FKBP5: variants seen among roughly 807,000 people sequenced by gnomAD.
FKBP5 encodes the protein peptidyl-prolyl cis-trans isomerase FKBP5.
FKBP5 carries 23 observed loss-of-function variants against 50.5 expected under a neutral mutation model. The observed-to-expected ratio is 0.46, with a 90% CI of 0.33 to 0.65. The LOEUF is 0.65. Ranked by LOEUF, FKBP5 falls within the 30% of genes least tolerant of loss-of-function variation. The probability of loss-of-function intolerance (pLI) is 0.02; values close to 1 mark genes in which losing one functional copy is unlikely to be tolerated. For missense variants in FKBP5, 411 were observed against 553.1 expected (o/e 0.74, Z 2.58); for synonymous variants, 176 against 190.6 (o/e 0.92, Z 0.63).
intron 2 of FKBP5, among the ~76,000 whole-genome samples, chr6:35,712,042 TAAAA>T (rs71002597): frequency 4.7e-5 from 6 of 128,284 alleles, no homozygotes; most frequent in African/African-American, 1.8e-4. Flanking sequence ...CTGGGCTAAT[TAAAA>T]AAAAAAAAAA....
rs79670883 is a variant in FKBP5, at chr6:35,613,011, G to T, written c.508+6085C>A. Among the ~76,000 whole-genome samples the T allele has an allele frequency of 7.3e-3, 1,106 of 152,230 alleles. 11 individuals carry two copies. Among genetic ancestry groups the T allele is most frequent in the African/African-American group, 0.023 (954 of 41,524 alleles). ...TTGTCTAAAGTCATAAAAGTATCAG[G>T]TAGCAATTCCAAGATTCAAAAATCA... On this transcript the variant is annotated intron_variant, in intron 5 of 10. Coordinates refer to ENST00000357266, the MANE Select transcript of FKBP5 (RefSeq NM_004117.4).
chr6:35,621,708 G>A (rs1045147338), intron 3 of FKBP5, among the ~76,000 whole-genome samples: 3 of 151,602 alleles, frequency 2.0e-5, no homozygotes, highest in Admixed American at 1.3e-4. Flanking sequence ...GTTGGCTCGC[G>A]CCTGTAATCC....
intron 5 of FKBP5, among the ~76,000 whole-genome samples, chr6:35,608,945 G>A (rs952886789): frequency 1.3e-5 from 2 of 152,084 alleles, no homozygotes; most frequent in Non-Finnish European, 2.9e-5. Context: ...TTATAGGCAT[G>A]TGCCATCATG....
chr6:35,653,442 T>C (rs1051201579), intron 1 of FKBP5, among the ~76,000 whole-genome samples: 1 of 152,202 alleles, frequency 6.6e-6, no homozygotes, highest in East Asian at 1.9e-4. Flanking sequence ...TAATTTTGCA[T>C]TCCAATTTCA....
intron 1 of FKBP5, among the ~76,000 whole-genome samples, chr6:35,663,108 T>C (rs1311975345): frequency 6.6e-6 from 1 of 152,058 alleles, no homozygotes; most frequent in African/African-American, 2.4e-5. Flanking sequence ...GCAGCTTAAG[T>C]GCAAAGTGGC....
chr6:35,723,208 G>A (rs1228242894), intron 1 of FKBP5, among the ~76,000 whole-genome samples: 2 of 151,962 alleles, frequency 1.3e-5, no homozygotes, highest in African/African-American at 4.8e-5. Context: ...ACTCCAGCCT[G>A]GGCGACAGAG....
At chr6:35,631,589 C>T (rs1205434214) in intron 3 of FKBP5, among the ~76,000 whole-genome samples, 1 of 151,988 alleles carries the variant, frequency 6.6e-6, no homozygotes, top group African/African-American at 2.4e-5. Flanking sequence ...AATAAAAAAA[C>T]CAAAGTGGCT....
At chr6:35,675,492 C>T (rs1765502798) in intron 1 of FKBP5, among the ~76,000 whole-genome samples, 1 of 152,176 alleles carries the variant, frequency 6.6e-6, no homozygotes, top group African/African-American at 2.4e-5. Context: ...ATCGCTTGAA[C>T]CTGGGAGACA....
At chr6:35,585,677 G>A (rs1762576990) in intron 8 of FKBP5, 1 of 937,026 alleles carries the variant, frequency 1.1e-6, no homozygotes. Context: ...CTAAACCCAT[G>A]ATTTAAAATT....
At chr6:35,672,485 A>T (rs1273634388) in intron 1 of FKBP5, among the ~76,000 whole-genome samples, 10 of 148,012 alleles carry the variant, frequency 6.8e-5, no homozygotes, top group Admixed American at 2.7e-4. Flanking sequence ...TTTTTTTTTT[A>T]AAGAAATAAT....
At chr6:35,649,375 G>A (rs1437976863) in intron 1 of FKBP5, among the ~76,000 whole-genome samples, 1 of 150,576 alleles carries the variant, frequency 6.6e-6, no homozygotes, top group East Asian at 1.9e-4. Flanking sequence ...AAATCTTTCT[G>A]AAGATACTAC....
In FKBP5 at chr6:35,660,478, G is replaced by T; in HGVS notation, c.-19-17635C>A. Among the ~76,000 whole-genome samples, 2 of 81,226 alleles carry T rather than the reference G, an allele frequency of 2.5e-5. 1 individual carries two copies. Among genetic ancestry groups the T allele is most frequent in the Non-Finnish European group, 5.6e-5 (2 of 35,858 alleles). The allele number at this position is 81,226 out of a possible 152,430, so 53.3% of individuals were successfully genotyped here. On this transcript the variant is annotated intron_variant, in intron 1 of 10. Transcript: ENST00000357266. ...AGACAGGGTTTCTCCATGTTGGTCA[G>T]GCTGGTCTCAAACTCCCGAGCTCAG... is the stretch of plus-strand genomic sequence containing the variant.
chr6:35,711,624 A>AAGGAGAGGAG (rs200675606), intron 2 of FKBP5, among the ~76,000 whole-genome samples: 1 of 152,076 alleles, frequency 6.6e-6, no homozygotes, highest in Non-Finnish European at 1.5e-5. Context: ...CTTCAAAAAA[A>AAGGAGAGGAG]AGGAGAGGAG....
At chr6:35,677,355 G>A (rs1765555741) in intron 1 of FKBP5, among the ~76,000 whole-genome samples, 1 of 152,108 alleles carries the variant, frequency 6.6e-6, no homozygotes, top group African/African-American at 2.4e-5. Flanking sequence ...TTACAGGCAT[G>A]AGCCACCACA....
At chr6:35,668,674 T>A (rs546426195) in intron 1 of FKBP5, among the ~76,000 whole-genome samples, 1 of 152,164 alleles carries the variant, frequency 6.6e-6, no homozygotes, top group Admixed American at 6.5e-5. Context: ...GTACATGTGT[T>A]TTGTTTTGTT....
chr6:35,635,443 C>T (rs189730733), intron 3 of FKBP5, among the ~76,000 whole-genome samples: 6 of 151,578 alleles, frequency 4.0e-5, no homozygotes, highest in Admixed American at 2.6e-4. Context: ...AGATCGAGAC[C>T]CTGTCTCAAA....
intron 3 of FKBP5, among the ~76,000 whole-genome samples, chr6:35,633,687 C>T (rs78338382): frequency 3.6e-4 from 55 of 152,188 alleles, no homozygotes; most frequent in African/African-American, 1.3e-3. Flanking sequence ...TTTCCAATTA[C>T]CATCTTAAGG....
rs561813493 is a variant in FKBP5, at chr6:35,588,794, C to T, written c.757-1677G>A. 3.8e-3 allele frequency among the ~76,000 whole-genome samples: 550 copies of T among 145,168 alleles called. 2 individuals are homozygous for T. Among genetic ancestry groups the T allele is most frequent in the African/African-American group, 0.011 (422 of 39,262 alleles). ...TTTTTTTTTTTTTTTTTGGTAGAGA[C>T]GGGGTCTCACTATGTTGCTCAGGCT... is the stretch of plus-strand genomic sequence containing the variant. On this transcript the variant is annotated intron_variant, in intron 7 of 10. Transcript: ENST00000357266.
intron 7 of FKBP5, 67 bp downstream of exon 7, chr6:35,591,063 A>G (rs1407879900): frequency 9.7e-7 from 1 of 1,031,146 alleles, no homozygotes; most frequent in Non-Finnish European, 1.5e-6. Flanking sequence ...AAGATAAGAT[A>G]CTGATTTATA....
Sources: gnomAD v4.1 joint callset for allele counts (sites outside exome capture counted in the v4.1 genomes callset) on GRCh38, gnomAD v4.1.1 for gene constraint, MANE v1.5 for transcripts, NCBI Gene and HGNC (gene_info 2026-07-23, HGNC 2026-07-21) for gene names.